Variants in ZFPM2 observed in about 807,000 individuals in gnomAD.
ZFPM2 encodes zinc finger protein, FOG family member 2.
Under a neutral mutation model 98.6 loss-of-function variants are expected in ZFPM2, and 20 were observed. The ratio of observed to expected loss-of-function variants is 0.20; its 90% CI spans 0.14 to 0.29. The LOEUF (loss-of-function observed/expected upper bound fraction) is 0.29, where lower values mean the gene tolerates loss of function less well. Among genes scored for constraint, ZFPM2 ranks in the 10% least tolerant of loss-of-function variants. The probability of loss-of-function intolerance (pLI) is 1.00; values close to 1 mark genes in which losing one functional copy is unlikely to be tolerated. For missense variants in ZFPM2, 1,310 were observed against 1,388.6 expected (o/e 0.94, Z 0.90); for synonymous variants, 518 against 502.7 (o/e 1.03, Z -0.41).
intron 1 of ZFPM2, among the ~76,000 whole-genome samples, chr8:105,380,941 T>TATATATTATAATATA (rs1586330614): frequency 1.8e-5 from 2 of 112,216 alleles, no homozygotes; most frequent in Non-Finnish European, 3.5e-5. Flanking sequence ...ATATATATTA[T>TATATATTATAATATA]TATACTTTAA....
At chr8:105,580,478 T>C (rs767086778) in intron 4 of ZFPM2, among the ~76,000 whole-genome samples, 3 of 152,174 alleles carry the variant, frequency 2.0e-5, no homozygotes, top group Non-Finnish European at 4.4e-5. Flanking sequence ...CCATGTGAAT[T>C]TATTTATTAT....
Position 105,568,722 on chromosome 8 carries a change from T to G in ZFPM2, c.420+7241T>G, listed in dbSNP as rs148391252. ...CCACAGTATGTCCTGAAAGCAAAAC[T>G]ACAGTAGTCACTTAACTCCTGTGCT... On this transcript the variant is annotated intron_variant, in intron 4 of 7. Transcript: ENST00000407775. Among the ~76,000 whole-genome samples the G allele has an allele frequency of 3.3e-3, 495 of 152,220 alleles. 2 individuals carry two copies. Among genetic ancestry groups the G allele is most frequent in the African/African-American group, 0.011 (466 of 41,540 alleles).
At chr8:105,775,753 C>T (rs760842571) in intron 5 of ZFPM2, among the ~76,000 whole-genome samples, 1 of 152,088 alleles carries the variant, frequency 6.6e-6, no homozygotes, top group African/African-American at 2.4e-5. Flanking sequence ...CAGTGCCCCA[C>T]CGCAAGTTTC....
At chr8:105,513,559 T>C (rs970846638) in intron 3 of ZFPM2, among the ~76,000 whole-genome samples, 29 of 152,324 alleles carry the variant, frequency 1.9e-4, no homozygotes, top group African/African-American at 7.0e-4. Context: ...TCCAGATTAC[T>C]TTATAAAAAG....
Position 105,380,736 on chromosome 8 carries a change from T to TTA in ZFPM2, c.41-38398_41-38397dup, listed in dbSNP as rs1343885576. 2.4e-4 allele frequency among the ~76,000 whole-genome samples: 10 copies of TTA among 41,946 alleles called. 1 individual carries two copies. The highest frequency in any genetic ancestry group is 9.5e-4 in the African/African-American group (7 of 7,342). The allele number at this position is 41,946 out of a possible 152,430, so 27.5% of individuals were successfully genotyped here. On this transcript the variant is annotated intron_variant, in intron 1 of 7. Coordinates refer to ENST00000407775, the MANE Select transcript of ZFPM2 (RefSeq NM_012082.4). The stretch of plus-strand genomic sequence containing the variant: ...ATATATATTATATATAACATATATA[T>TTA]TATATATATATGTTATATATAACAT...
At chr8:105,624,415 G>A (rs1277957718) in intron 4 of ZFPM2, among the ~76,000 whole-genome samples, 1 of 152,158 alleles carries the variant, frequency 6.6e-6, no homozygotes, top group African/African-American at 2.4e-5. Context: ...CCTCTTCGGA[G>A]CCAAATGTAT....
chr8:105,319,004 G>A, intron 1 of ZFPM2, 23 bp downstream of exon 1: 1 of 1,497,110 alleles, frequency 6.7e-7, no homozygotes, highest in South Asian at 1.3e-5. Context: ...GCGGGGCCGG[G>A]AGTTGGTGGG....
intron 2 of ZFPM2, among the ~76,000 whole-genome samples, chr8:105,436,105 G>T (rs1812113772): frequency 6.6e-6 from 1 of 152,176 alleles, no homozygotes; most frequent in East Asian, 1.9e-4. Flanking sequence ...TAAGTGCTCA[G>T]TAAGCAATGG....
At chr8:105,327,745 A>G (rs1485004158) in intron 1 of ZFPM2, among the ~76,000 whole-genome samples, 1 of 151,808 alleles carries the variant, frequency 6.6e-6, no homozygotes, top group East Asian at 1.9e-4. Context: ...AAAAGATCTG[A>G]TTATTTATAA....
chr8:105,324,613 G>A (rs1300034708), intron 1 of ZFPM2, among the ~76,000 whole-genome samples: 4 of 151,796 alleles, frequency 2.6e-5, no homozygotes, highest in South Asian at 2.1e-4. Context: ...TTCTAGTATC[G>A]ATGTTTTTGT....
intron 4 of ZFPM2, among the ~76,000 whole-genome samples, chr8:105,624,059 T>C (rs75638172): frequency 3.9e-5 from 6 of 152,276 alleles, no homozygotes; most frequent in African/African-American, 1.4e-4. Context: ...ATAATATCGT[T>C]ATGAAACTGT....
intron 3 of ZFPM2, among the ~76,000 whole-genome samples, chr8:105,478,036 C>CA (rs1813044454): frequency 6.6e-6 from 1 of 152,142 alleles, no homozygotes; most frequent in African/African-American, 2.4e-5. Context: ...TTTTTCAAGT[C>CA]TGGGAACATG....
chr8:105,792,919 T>A lies in ZFPM2; in HGVS notation c.739+3995T>A, dbSNP rs559106825. On this transcript the variant is annotated intron_variant, in intron 6 of 7. Transcript: ENST00000407775. ...ACTAGGATTGCAATCCCTGCCTTTT[T>A]TTGTTTTCCATTTGCTTGGTAGATC... 1.1e-4 allele frequency among the ~76,000 whole-genome samples: 17 copies of A among 152,314 alleles called. No homozygotes were observed. In the South Asian group the frequency reaches 2.1e-3, roughly 19 times the overall value.
chr8:105,762,741 A>C (rs2131075097), intron 5 of ZFPM2, among the ~76,000 whole-genome samples: 1 of 152,038 alleles, frequency 6.6e-6, no homozygotes, highest in East Asian at 1.9e-4. Flanking sequence ...CAATTGCTTT[A>C]CAATTTTATA....
intron 4 of ZFPM2, among the ~76,000 whole-genome samples, chr8:105,605,314 C>G (rs967734817): frequency 1.3e-5 from 2 of 151,990 alleles, no homozygotes; most frequent in African/African-American, 4.8e-5. Context: ...ATAATTACTT[C>G]AAGAGATTTT....
chr8:105,331,170 C>T (rs1421389570), intron 1 of ZFPM2, among the ~76,000 whole-genome samples: 27 of 144,624 alleles, frequency 1.9e-4, no homozygotes, highest in African/African-American at 6.2e-4. Context: ...ATATATTATA[C>T]ACACACACAC....
In ZFPM2 at chr8:105,508,864, T is replaced by TAAAA. The variant is rs1563691360; in HGVS notation, c.302-52499_302-52498insAAAA. 4.3e-4 allele frequency among the ~76,000 whole-genome samples: 56 copies of TAAAA among 131,124 alleles called. No homozygotes were observed. In the East Asian group the frequency reaches 0.01, roughly 25 times the overall value. 86.0% of individuals were successfully genotyped at this position (131,124 alleles called of 152,430 possible). ...GGATTTTTTTTGAAAAAAAAAAATT[T>TAAAA]TTTTTTTAATGTGGAAGAAATCTTG... On this transcript the variant is annotated intron_variant, in intron 3 of 7. Coordinates refer to ENST00000407775, the MANE Select transcript of ZFPM2 (RefSeq NM_012082.4).
chr8:105,626,120 A>G (rs1361857380), intron 4 of ZFPM2, among the ~76,000 whole-genome samples: 3 of 152,140 alleles, frequency 2.0e-5, no homozygotes, highest in Admixed American at 1.3e-4. Flanking sequence ...GACATTTACT[A>G]AAAAGCACTA....
chr8:105,536,446 T>G (rs1273523143), intron 3 of ZFPM2, among the ~76,000 whole-genome samples: 1 of 151,900 alleles, frequency 6.6e-6, no homozygotes, highest in Non-Finnish European at 1.5e-5. Context: ...GAATCTTATC[T>G]TTTTTTTATG....
Sources: gnomAD v4.1 joint callset for allele counts (sites outside exome capture counted in the v4.1 genomes callset) on GRCh38, gnomAD v4.1.1 for gene constraint, MANE v1.5 for transcripts, NCBI Gene and HGNC (gene_info 2026-07-23, HGNC 2026-07-21) for gene names.